Variants in TRIM51 observed in about 807,000 individuals in gnomAD.
TRIM51 encodes tripartite motif-containing 51.
In TRIM51, 23 loss-of-function variants were observed where a neutral mutation model predicts 32.7. The observed-to-expected ratio is 0.70, with a 90% CI of 0.51 to 1.00. The LOEUF is 1.00. Among genes scored for constraint, TRIM51 ranks in the 50% least tolerant of loss-of-function variants. The probability of loss-of-function intolerance (pLI) is 0.00; values close to 1 mark genes in which losing one functional copy is unlikely to be tolerated. For missense variants in TRIM51, 592 were observed against 539.2 expected, an observed-to-expected ratio of 1.10 and a Z score of -0.97; for synonymous variants, 177 against 181.9, an observed-to-expected ratio of 0.97 and a Z score of 0.22.
In TRIM51 at chr11:55,885,355, A is replaced by G. The variant is rs561733213; in HGVS notation, c.-4-70A>G. On this transcript the variant is annotated intron_variant, in intron 1 of 6. Coordinates refer to ENST00000449290, the MANE Select transcript of TRIM51 (RefSeq NM_032681.4). ...GTCAAGAAGAAAATATAGCTATCACATATCACCACATGTTCACGGATTTTC... is the reference window on the plus strand; with the variant it reads ...GTCAAGAAGAAAATATAGCTATCACGTATCACCACATGTTCACGGATTTTC... 330 of 1,503,612 alleles carry G rather than the reference A, an allele frequency of 2.2e-4. 3 individuals are homozygous for G. The African/African-American group carries it at 3.7e-3, about 17-fold the overall frequency. 93.1% of individuals were successfully genotyped at this position (1,503,612 alleles called of 1,614,324 possible). A position where few individuals can be genotyped will look rare whatever the true frequency, so the allele number is the denominator to read the frequency against.
At chr11:55,889,605 C>T (rs1259606489) in intron 5 of TRIM51, among the ~76,000 whole-genome samples, 1 of 152,130 alleles carries the variant, frequency 6.6e-6, no homozygotes, top group African/African-American at 2.4e-5. Flanking sequence ...AAAATAACCC[C>T]ACTTTTCCAG....
chr11:55,887,573 G>T (rs1203555430), intron 3 of TRIM51, among the ~76,000 whole-genome samples: 1 of 152,078 alleles, frequency 6.6e-6, no homozygotes, highest in Non-Finnish European at 1.5e-5. Context: ...GAGAATAAAT[G>T]AAACCTTATT....
intron 3 of TRIM51, among the ~76,000 whole-genome samples, chr11:55,887,439 A>G (rs1018094413): frequency 2.0e-5 from 3 of 151,824 alleles, no homozygotes; most frequent in African/African-American, 7.3e-5. Flanking sequence ...AGAAATATGT[A>G]TATATATATG....
chr11:55,889,012 A>G lies in TRIM51; in HGVS notation c.761+11A>G, dbSNP rs748402332. 53 of 1,610,474 alleles carry G rather than the reference A, an allele frequency of 3.3e-5. No individual in the cohort carries two copies. The highest frequency in any genetic ancestry group is 4.2e-5 in the Non-Finnish European group (50 of 1,177,592). On this transcript the variant is annotated intron_variant, in intron 5 of 6. Coordinates refer to ENST00000449290, the MANE Select transcript of TRIM51 (RefSeq NM_032681.4). Reference sequence around the variant, plus strand: ...AGACATATTACACAGGTGAGTGCACACCAAGATTTTAGCAGATGCTTTCAG... The same window carrying G: ...AGACATATTACACAGGTGAGTGCACGCCAAGATTTTAGCAGATGCTTTCAG...
At chr11:55,883,529 T>G (rs1345314488) in intron 1 of TRIM51, 145 bp downstream of exon 1, 1 of 152,220 alleles carries the variant, frequency 6.6e-6, no homozygotes, top group South Asian at 2.1e-4. Context: ...GACATGAGGT[T>G]ATGACATGAG....
chr11:55,890,258 G>T (rs10897405), intron 6 of TRIM51, among the ~76,000 whole-genome samples: 148,121 of 151,914 alleles, frequency 0.98, 72,330 homozygotes, highest in Non-Finnish European at 1. Context: ...GGCTCACATG[G>T]ATAGAGTTAT....
intron 3 of TRIM51, among the ~76,000 whole-genome samples, chr11:55,886,997 A>G (rs150099138): frequency 0.014 from 2,171 of 152,220 alleles, 52 homozygotes; most frequent in African/African-American, 0.049. Context: ...AGAAGAAAGA[A>G]AACACACAAA....
chr11:55,885,327 A>G, intron 1 of TRIM51, 98 bp from the exon 2 acceptor site: 1 of 1,220,142 alleles, frequency 8.2e-7, no homozygotes, highest in Non-Finnish European at 1.2e-6. Context: ...TTTAATGAGC[A>G]CTGTCAAGAA....
chr11:55,891,730 T>C lies in TRIM51; in HGVS notation c.*98T>C, dbSNP rs1854653623. The C allele has an allele frequency of 7.3e-7, 1 of 1,362,918 alleles. No homozygotes were observed. The highest frequency in any genetic ancestry group is 1.0e-6 in the Non-Finnish European group (1 of 991,594). 84.4% of individuals were successfully genotyped at this position (1,362,918 alleles called of 1,614,324 possible). On this transcript the variant is annotated 3_prime_UTR_variant, in exon 7 of 7. Coordinates refer to ENST00000449290, the MANE Select transcript of TRIM51 (RefSeq NM_032681.4). ...CTCATCAAACAGAACAAATAAGTTA[T>C]ATTTAATGTCTTTAGTTGCATTCTA... is the stretch of plus-strand genomic sequence containing the variant.
At chr11:55,886,284 A>G in intron 3 of TRIM51, 66 bp downstream of exon 3, 2 of 1,274,172 alleles carry the variant, frequency 1.6e-6, no homozygotes, top group Non-Finnish European at 2.3e-6. Context: ...CTCTTAAAAT[A>G]GGAACTTGAT....
intron 1 of TRIM51, among the ~76,000 whole-genome samples, chr11:55,884,326 A>T (rs1419785566): frequency 6.6e-6 from 1 of 151,116 alleles, no homozygotes. Flanking sequence ...CAATAACGAG[A>T]CTGTCTAACG....
chr11:55,889,862 A>G (rs1853211238), intron 5 of TRIM51, 80 bp from the exon 6 acceptor site: 18 of 977,894 alleles, frequency 1.8e-5, no homozygotes, highest in Non-Finnish European at 2.8e-5. Context: ...ATTCTCATGA[A>G]ATGTCTTTTA....
rs774662552 is a variant in TRIM51 at position 55,889,971 on chromosome 11, A to G, written c.791A>G (p.Glu264Gly). The change falls in exon 6 of 7, where the codon GAG becomes GGG. Residue 264 changes from glutamate (E) to glycine (G), a missense_variant. Coordinates refer to ENST00000449290, the MANE Select transcript of TRIM51 (RefSeq NM_032681.4). ...RYESLLLQVSEPVNPELSAGP... is the reference protein window; with the variant it reads ...RYESLLLQVSGPVNPELSAGP... ...GAGTCTCTGCTGCTGCAAGTGTCTG[A>G]GCCTGTGAATCCAGAGCTCAGTGCA... 1 of 1,613,368 alleles carries G rather than the reference A, an allele frequency of 6.2e-7. No homozygotes were observed. The highest frequency in any genetic ancestry group is 8.5e-7 in the Non-Finnish European group (1 of 1,179,574).
rs1458218535 is a variant in TRIM51, at chr11:55,884,182, T to TATATATATATAC, written c.-5+799_-5+800insTATATATATACA. 1.9e-3 allele frequency among the ~76,000 whole-genome samples: 208 copies of TATATATATATAC among 110,186 alleles called. 4 individuals carry two copies. The highest frequency in any genetic ancestry group is 9.7e-3 in the Middle Eastern group (2 of 206). 72.3% of individuals were successfully genotyped at this position (110,186 alleles called of 152,430 possible). A position where few individuals can be genotyped will look rare whatever the true frequency, so the allele number is the denominator to read the frequency against. Reference sequence around the variant, plus strand: ...CTATATATATATATATATATATATATACACATACCAAAAATACTTACAATT... The same window carrying TATATATATATAC: ...CTATATATATATATATATATATATATATATATATATACACACATACCAAAAATACTTACAATT... On this transcript the variant is annotated intron_variant, in intron 1 of 6. Transcript: ENST00000449290.
intron 3 of TRIM51, among the ~76,000 whole-genome samples, chr11:55,887,399 T>C (rs1309215585): frequency 6.6e-6 from 1 of 151,494 alleles, no homozygotes; most frequent in African/African-American, 2.4e-5. Context: ...ATACCTATAT[T>C]TGAGAAATAT....
chr11:55,887,768 A>G (rs933599256), intron 3 of TRIM51, among the ~76,000 whole-genome samples: 2 of 152,170 alleles, frequency 1.3e-5, no homozygotes, highest in African/African-American at 2.4e-5. Context: ...TTCTTTCTAT[A>G]AATGTGGTGT....
rs751330297 is a variant in TRIM51, at chr11:55,885,596, G to A, written c.168G>A (p.Lys56=). The A allele has an allele frequency of 1.9e-5, 30 of 1,611,518 alleles. No homozygotes were observed. Among genetic ancestry groups the A allele is most frequent in the Non-Finnish European group, 2.5e-5 (30 of 1,179,644 alleles). ...TTCTTGCTCAGTGCTCTGAATGCAA[G>A]AAGACAACGCGGCAGAGAAACCTCA... ...TAVLAQCSEC[K]KTTRQRNLNT... The change falls in exon 2 of 7, where the codon AAG becomes AAA. Residue 56 remains lysine (K), a synonymous_variant. Transcript: ENST00000449290.
At position 55,891,672 on chromosome 11, in the gene TRIM51, C is replaced by T. The variant is rs749180477; in HGVS notation, c.*40C>T. 5 of 1,605,142 alleles carry T rather than the reference C, an allele frequency of 3.1e-6. No individual in the cohort carries two copies. The highest frequency in any genetic ancestry group is 3.4e-6 in the Non-Finnish European group (4 of 1,176,970). On this transcript the variant is annotated 3_prime_UTR_variant, in exon 7 of 7. Transcript: ENST00000449290. ...GAAATGTGCCTGTATGCTCTGGGAACCTGTTTATCCCAGAAAGCCCTCTTT... is the reference window on the plus strand; with the variant it reads ...GAAATGTGCCTGTATGCTCTGGGAATCTGTTTATCCCAGAAAGCCCTCTTT...
In TRIM51 at chr11:55,891,509, C is replaced by T. The variant is rs555500833; in HGVS notation, c.1236C>T (p.Phe412=). ...GACCTACCAGCACAGTAGGATTATT[C>T]CTGGATTGTGAAGGTAGAACCGTGA... ...VPRPTSTVGL[F]LDCEGRTVSF... Residue 412 remains phenylalanine (F), a synonymous_variant, in exon 7 of 7, where the codon TTC becomes TTT. Transcript: ENST00000449290. 1 of 1,613,540 alleles carries T rather than the reference C, an allele frequency of 6.2e-7. No individual in the cohort carries two copies. Among genetic ancestry groups the T allele is most frequent in the African/African-American group, 1.3e-5 (1 of 75,002 alleles).
Sources: gnomAD v4.1 joint callset for allele counts (sites outside exome capture counted in the v4.1 genomes callset) on GRCh38, gnomAD v4.1.1 for gene constraint, MANE v1.5 for transcripts, NCBI Gene and HGNC (gene_info 2026-07-23, HGNC 2026-07-21) for gene names.